JHY: variants seen among roughly 807,000 people sequenced by gnomAD.
JHY encodes the protein jhy protein homolog.
A neutral mutation model predicts 78.0 loss-of-function variants in JHY; 69 were observed. That is an observed-to-expected ratio of 0.88 (90% confidence interval 0.73 to 1.08). The LOEUF (loss-of-function observed/expected upper bound fraction) is 1.08, where lower values mean the gene tolerates loss of function less well. Ranked by LOEUF, JHY falls within the 50% of genes least tolerant of loss-of-function variation. The pLI is 0.00. For synonymous variants in JHY, 368 were observed against 342.6 expected, an observed-to-expected ratio of 1.07 and a Z score of -0.82; for missense variants, 944 against 927.8, an observed-to-expected ratio of 1.02 and a Z score of -0.23.
chr11:122,902,358 A>G (rs1862879932), intron 2 of JHY, among the ~76,000 whole-genome samples: 1 of 151,930 alleles, frequency 6.6e-6, no homozygotes, highest in Non-Finnish European at 1.5e-5. Flanking sequence ...CCAGGTACTC[A>G]GGAGGCTGAG....
At chr11:122,933,109 G>A (rs1863670786) in intron 4 of JHY, among the ~76,000 whole-genome samples, 1 of 152,070 alleles carries the variant, frequency 6.6e-6, no homozygotes, top group Non-Finnish European at 1.5e-5. Context: ...ATAGAACACT[G>A]CTTAATATTA....
chr11:122,919,072 G>T (rs948084832), intron 3 of JHY, among the ~76,000 whole-genome samples: 1 of 152,142 alleles, frequency 6.6e-6, no homozygotes. Flanking sequence ...AGTGAAGTGG[G>T]CCAGGCACAG....
intron 5 of JHY, among the ~76,000 whole-genome samples, chr11:122,938,908 G>A (rs1338530033): frequency 2.6e-5 from 4 of 151,860 alleles, no homozygotes; most frequent in Non-Finnish European, 4.4e-5. Flanking sequence ...AACCTCCAGC[G>A]AGCTGCGGAG....
At chr11:122,943,012 C>T (rs539018841) in intron 5 of JHY, among the ~76,000 whole-genome samples, 17 of 152,236 alleles carry the variant, frequency 1.1e-4, no homozygotes, top group African/African-American at 3.9e-4. Context: ...CTAGCTGGGA[C>T]TACAGACAGG....
chr11:122,938,542 T>G (rs941441235), intron 5 of JHY, among the ~76,000 whole-genome samples: 12 of 152,194 alleles, frequency 7.9e-5, no homozygotes, highest in African/African-American at 2.2e-4. Context: ...TAAGGGCCCT[T>G]GTGACTGAAT....
chr11:122,956,547 G>T lies in JHY; in HGVS notation c.1981G>T (p.Gly661Ter). The change falls in exon 7 of 9, where the codon GGA (glycine) becomes TGA (stop). Residue 661 changes from glycine (G) to a stop codon, truncating the protein, a stop_gained. Transcript: ENST00000227349. LOFTEE classifies it high-confidence loss of function. Reference sequence around the variant, plus strand: ...AAGAGACGTGAAGCTTGGAGGCCTCGGACCTGACTTTGAGTCCATCAGAGA... The same window carrying T: ...AAGAGACGTGAAGCTTGGAGGCCTCTGACCTGACTTTGAGTCCATCAGAGA... ...QKRDVKLGGL[G>*]PDFESIRDKT... The T allele has an allele frequency of 1.2e-6, 2 of 1,613,520 alleles. No individual in the cohort carries two copies. Among genetic ancestry groups the T allele is most frequent in the Non-Finnish European group, 1.7e-6 (2 of 1,179,626 alleles).
intron 3 of JHY, 139 bp from the exon 4 acceptor site, chr11:122,924,758 A>G: frequency 1.6e-6 from 1 of 630,774 alleles, no homozygotes; most frequent in Non-Finnish European, 2.8e-6. Context: ...CTGAGGACTG[A>G]TGAGATGAAT....
chr11:122,904,397 T>C lies in JHY; in HGVS notation c.817T>C (p.Tyr273His), dbSNP rs1294819338. Residue 273 changes from tyrosine to histidine, a missense_variant, in exon 3 of 9, where the codon TAT becomes CAT. Tyr to His is a moderately conservative substitution (Grantham distance 83). Coordinates refer to ENST00000227349, the MANE Select transcript of JHY (RefSeq NM_024806.4). ...ATTACCCACCCCGAAAACGGACTCT[T>C]ATCTTCAACTTCACAATAAAAAAAG... The part of the protein sequence containing the change: ...LGLPTPKTDS[Y>H]LQLHNKKRGE... 16 of 1,613,860 alleles carry C rather than the reference T, an allele frequency of 9.9e-6. No homozygotes were observed. Among genetic ancestry groups the C allele is most frequent in the African/African-American group, 4.0e-5 (3 of 74,896 alleles).
chr11:122,924,844 T>C, intron 3 of JHY, 53 bp from the exon 4 acceptor site: 2 of 1,436,416 alleles, frequency 1.4e-6, no homozygotes, highest in Non-Finnish European at 2.0e-6. Flanking sequence ...GTCCCATGGC[T>C]CTAAGACTAA....
In JHY at chr11:122,885,774, G is replaced by C; in HGVS notation, c.-76G>C. Reference sequence around the variant, plus strand: ...ATTTTTTTTCAGGTAACGCTTTTGTGAACCACAACTTTAAATATCAGCCAG... The same window carrying C: ...ATTTTTTTTCAGGTAACGCTTTTGTCAACCACAACTTTAAATATCAGCCAG... On this transcript the variant is annotated 5_prime_UTR_variant, in exon 2 of 9. It removes the in-frame stop codon of an upstream open reading frame in the 5' UTR. Coordinates refer to ENST00000227349, the MANE Select transcript of JHY (RefSeq NM_024806.4). 8.3e-7 allele frequency: 1 copy of C among 1,201,166 alleles called. No homozygotes were observed. The allele number at this position is 1,201,166 out of a possible 1,614,324, so 74.4% of individuals were successfully genotyped here. A position where few individuals can be genotyped will look rare whatever the true frequency, so the allele number is the denominator to read the frequency against.
Position 122,959,300 on chromosome 11 carries a change from A to G in JHY, c.2192A>G (p.His731Arg), listed in dbSNP as rs777592393. The G allele has an allele frequency of 7.4e-6, 12 of 1,614,212 alleles. No homozygotes were observed. The Middle Eastern group carries it at 4.9e-4, about 67-fold the overall frequency. The part of the protein sequence containing the change: ...IPKPKPSNLT[H>R]QASKEQKNPT... ...AAACCCAAACCATCAAATCTGACTCATCAAGCATCAAAGGAACAAAAAAAT... is the reference window on the plus strand; with the variant it reads ...AAACCCAAACCATCAAATCTGACTCGTCAAGCATCAAAGGAACAAAAAAAT... The change falls in exon 9 of 9, where the codon CAT (histidine) becomes CGT (arginine). Residue 731 changes from histidine to arginine, a missense_variant. His to Arg is a conservative substitution (Grantham distance 29). Coordinates refer to ENST00000227349, the MANE Select transcript of JHY (RefSeq NM_024806.4).
chr11:122,953,644 A>G (rs2135380949), intron 6 of JHY, among the ~76,000 whole-genome samples: 1 of 152,028 alleles, frequency 6.6e-6, no homozygotes, highest in African/African-American at 2.4e-5. Context: ...ATAAGAATTC[A>G]TAGTGAATGG....
intron 3 of JHY, 48 bp from the exon 4 acceptor site, chr11:122,924,849 G>T: frequency 6.8e-7 from 1 of 1,471,248 alleles, no homozygotes; most frequent in South Asian, 1.2e-5. Flanking sequence ...ATGGCTCTAA[G>T]ACTAAAATGA....
chr11:122,951,765 AT>A (rs1864091257), intron 6 of JHY, among the ~76,000 whole-genome samples: 1 of 152,186 alleles, frequency 6.6e-6, no homozygotes, highest in Non-Finnish European at 1.5e-5. Context: ...GGAGAGTCCT[AT>A]GCCATCTTCC....
At chr11:122,888,922 T>A (rs1862551559) in intron 2 of JHY, among the ~76,000 whole-genome samples, 2 of 152,194 alleles carry the variant, frequency 1.3e-5, no homozygotes, top group Non-Finnish European at 2.9e-5. Flanking sequence ...TGATGAATAT[T>A]TAGTTTTTTT....
At chr11:122,952,981 T>C (rs970165574) in intron 6 of JHY, among the ~76,000 whole-genome samples, 3 of 152,228 alleles carry the variant, frequency 2.0e-5, no homozygotes, top group Non-Finnish European at 4.4e-5. Flanking sequence ...GTAAAGGTTT[T>C]AAAATGTGAA....
intron 2 of JHY, among the ~76,000 whole-genome samples, chr11:122,887,559 G>A (rs1259277630): frequency 6.6e-6 from 1 of 151,994 alleles, no homozygotes; most frequent in Non-Finnish European, 1.5e-5. Flanking sequence ...TTGATCTTGT[G>A]ATCCGCCCAC....
chr11:122,948,456 A>ATAATCATAATC (rs1273607209), intron 6 of JHY, among the ~76,000 whole-genome samples: 26 of 148,032 alleles, frequency 1.8e-4, no homozygotes, highest in African/African-American at 6.5e-4. Context: ...TAATAATAAT[A>ATAATCATAATC]ATAATAATAA....
Position 122,904,147 on chromosome 11 carries a change from T to C in JHY, c.567T>C (p.Ser189=), listed in dbSNP as rs749378025. The C allele has an allele frequency of 6.8e-6, 11 of 1,614,060 alleles. No homozygotes were observed. The highest frequency in any genetic ancestry group is 6.8e-6 in the Non-Finnish European group (8 of 1,180,036). ...EQKESPQSAA[S]LLGSEFLSPN... ...AAGAGAGTCCACAGAGTGCAGCTTC[T>C]TTACTTGGTAGTGAATTTTTAAGCC... The change falls in exon 3 of 9, where the codon TCT becomes TCC. Residue 189 remains serine, a synonymous_variant. Coordinates refer to ENST00000227349, the MANE Select transcript of JHY (RefSeq NM_024806.4).
Sources: allele counts gnomAD v4.1 joint callset (sites outside exome capture counted in the v4.1 genomes callset), GRCh38; gene constraint gnomAD v4.1.1; transcripts MANE v1.5; gene names NCBI Gene and HGNC (gene_info 2026-07-23, HGNC 2026-07-21).